Variants in VEZT observed in about 807,000 individuals in gnomAD.
VEZT encodes vezatin, adherens junctions transmembrane protein.
Under a neutral mutation model 79.9 loss-of-function variants are expected in VEZT, and 39 were observed. That is an observed-to-expected ratio of 0.49 (90% CI 0.38 to 0.64). VEZT has a LOEUF of 0.64. Among genes scored for constraint, VEZT ranks in the 30% least tolerant of loss-of-function variants. VEZT has a pLI of 0.00. For missense variants in VEZT, 837 were observed against 893.1 expected (o/e 0.94, Z 0.80); for synonymous variants, 325 against 327.6 (o/e 0.99, Z 0.09).
Position 95,262,919 on chromosome 12 carries a change from G to A in VEZT, c.272G>A (p.Arg91Gln), listed in dbSNP as rs1438888793. 6 of 1,592,058 alleles carry A rather than the reference G, an allele frequency of 3.8e-6. No homozygotes were observed. The Admixed American group carries it at 6.8e-5, about 18-fold the overall frequency. The change falls in exon 4 of 12, where the codon CGA becomes CAA. Residue 91 changes from arginine to glutamine, a missense_variant. Coordinates refer to ENST00000436874, the MANE Select transcript of VEZT (RefSeq NM_017599.4). ...TTTAATGGCAAGGATATTGGATTCC[G>A]ACTCGACTCATTACATACCATCCTG... ...DLLHKLDIGF[R>Q]LDSLHTILQQ...
At chr12:95,281,943 T>A (rs987453067) in intron 7 of VEZT, among the ~76,000 whole-genome samples, 4 of 151,984 alleles carry the variant, frequency 2.6e-5, no homozygotes, top group Admixed American at 6.6e-5. Context: ...GAAAAAAATA[T>A]ATATATATAT....
chr12:95,277,031 C>CCTAGTCCCAGCCACCATG (rs987956095), intron 7 of VEZT, among the ~76,000 whole-genome samples: 1 of 152,012 alleles, frequency 6.6e-6, no homozygotes, highest in Non-Finnish European at 1.5e-5. Flanking sequence ...CCCGCACCAT[C>CCTAGTCCCAGCCACCATG]CTAGTCCCAG....
chr12:95,277,496 T>C (rs1053783653), intron 7 of VEZT, among the ~76,000 whole-genome samples: 2 of 152,184 alleles, frequency 1.3e-5, no homozygotes, highest in Non-Finnish European at 2.9e-5. Flanking sequence ...TACCAAGATA[T>C]ATATAGCTAC....
rs965556738 is a variant in VEZT at position 95,301,953 on chromosome 12, C to T, written c.*1280C>T. Reference sequence around the variant, plus strand: ...AAAACTTGGTTCTGCTTTATATAAACAGTAGAGATTATTGTACTATAAGTG... The same window carrying T: ...AAAACTTGGTTCTGCTTTATATAAATAGTAGAGATTATTGTACTATAAGTG... On this transcript the variant is annotated 3_prime_UTR_variant, in exon 12 of 12. Transcript: ENST00000436874. 2 of 152,076 alleles carry T rather than the reference C, an allele frequency of 1.3e-5. No homozygotes were observed. The highest frequency in any genetic ancestry group is 2.9e-5 in the Non-Finnish European group (2 of 68,000). 9.4% of individuals were successfully genotyped at this position (152,076 alleles called of 1,614,324 possible).
At chr12:95,295,647 T>C (rs181725467) in intron 10 of VEZT, among the ~76,000 whole-genome samples, 2 of 152,280 alleles carry the variant, frequency 1.3e-5, no homozygotes, top group African/African-American at 4.8e-5. Context: ...CTAGGAAGAA[T>C]GTTCAAACTT....
At chr12:95,274,919 A>G in intron 7 of VEZT, 30 bp downstream of exon 7, 1 of 1,602,558 alleles carries the variant, frequency 6.2e-7, no homozygotes, top group Non-Finnish European at 8.5e-7. Flanking sequence ...GAAGGGCTGA[A>G]GAAAAAATAG....
At chr12:95,249,774 A>G (rs537218212) in intron 1 of VEZT, among the ~76,000 whole-genome samples, 205 of 152,300 alleles carry the variant, frequency 1.3e-3, no homozygotes, top group African/African-American at 4.9e-3. Flanking sequence ...GTACTAAACT[A>G]TAAGTAACTT....
intron 1 of VEZT, among the ~76,000 whole-genome samples, chr12:95,237,193 C>T (rs2060307191): frequency 6.6e-6 from 1 of 152,136 alleles, no homozygotes; most frequent in African/African-American, 2.4e-5. Context: ...TTGTTTACTA[C>T]TATCTGTCCT....
intron 4 of VEZT, among the ~76,000 whole-genome samples, chr12:95,266,061 T>C (rs2065470513): frequency 6.6e-6 from 1 of 152,272 alleles, no homozygotes; most frequent in African/African-American, 2.4e-5. Flanking sequence ...TACAGAGAAT[T>C]TGAGTTTCTT....
At chr12:95,221,618 A>T (rs1000106091) in intron 1 of VEZT, among the ~76,000 whole-genome samples, 11 of 151,960 alleles carry the variant, frequency 7.2e-5, no homozygotes, top group African/African-American at 2.7e-4. Context: ...TAAGGTAGGA[A>T]TATTGCTTGA....
At chr12:95,278,191 T>C (rs1282867031) in intron 7 of VEZT, among the ~76,000 whole-genome samples, 2 of 152,240 alleles carry the variant, frequency 1.3e-5, no homozygotes, top group Non-Finnish European at 2.9e-5. Context: ...AAGCAATTAA[T>C]GAATGTTAGC....
intron 1 of VEZT, among the ~76,000 whole-genome samples, chr12:95,245,066 C>T (rs932331208): frequency 2.6e-5 from 4 of 151,990 alleles, no homozygotes; most frequent in Non-Finnish European, 5.9e-5. Context: ...AACCCCATAT[C>T]TACTAAAAAT....
At chr12:95,240,977 C>T (rs2060930845) in intron 1 of VEZT, among the ~76,000 whole-genome samples, 1 of 152,074 alleles carries the variant, frequency 6.6e-6, no homozygotes, top group South Asian at 2.1e-4. Context: ...CCGATCTCTA[C>T]ACACTAGATA....
intron 1 of VEZT, among the ~76,000 whole-genome samples, chr12:95,233,975 C>A (rs1255005237): frequency 1.3e-5 from 2 of 152,106 alleles, no homozygotes; most frequent in Non-Finnish European, 2.9e-5. Flanking sequence ...ATTTTTATAC[C>A]TATACTCCCA....
At chr12:95,280,519 ATG>A (rs1377224901) in intron 7 of VEZT, among the ~76,000 whole-genome samples, 5 of 116,848 alleles carry the variant, frequency 4.3e-5, no homozygotes, top group Non-Finnish European at 5.2e-5. Context: ...CCCCTTTCAT[ATG>A]TGTACACACA....
At chr12:95,241,586 G>A (rs759610311) in intron 1 of VEZT, among the ~76,000 whole-genome samples, 6 of 152,146 alleles carry the variant, frequency 3.9e-5, no homozygotes, top group Non-Finnish European at 8.8e-5. Context: ...GGGATTAAAG[G>A]AGTGAGCTAC....
At chr12:95,253,163 T>C (rs1414591400) in intron 2 of VEZT, among the ~76,000 whole-genome samples, 1 of 152,200 alleles carries the variant, frequency 6.6e-6, no homozygotes, top group African/African-American at 2.4e-5. Context: ...TGTAATTTAA[T>C]AGAAAAAACA....
At chr12:95,293,858 G>A (rs76344193) in intron 9 of VEZT, 7,167 of 154,328 alleles carry the variant, frequency 0.046, 236 homozygotes, top group Middle Eastern at 0.12. Context: ...GAACAAGTTG[G>A]ACTATGAAAT....
intron 8 of VEZT, among the ~76,000 whole-genome samples, chr12:95,283,569 C>T: frequency 6.6e-6 from 1 of 152,120 alleles, no homozygotes; most frequent in East Asian, 1.9e-4. Context: ...CTTGATACAT[C>T]AGCAAAATCA....
Sources: gnomAD v4.1 joint callset for allele counts (sites outside exome capture counted in the v4.1 genomes callset) on GRCh38, gnomAD v4.1.1 for gene constraint, MANE v1.5 for transcripts, NCBI Gene and HGNC (gene_info 2026-07-23, HGNC 2026-07-21) for gene names.